NTN1: variants seen among roughly 807,000 people sequenced by gnomAD.
NTN1 encodes netrin 1, also known as netrin-1.
In NTN1, 11 loss-of-function variants were observed where a neutral mutation model predicts 54.2. The observed-to-expected ratio is 0.20, with a 90% confidence interval of 0.13 to 0.34. The LOEUF (loss-of-function observed/expected upper bound fraction) is 0.34. Ranked by LOEUF, NTN1 falls within the 10% of genes least tolerant of loss-of-function variation. The pLI, the probability that NTN1 is intolerant of heterozygous loss-of-function variation, is 1.00. For synonymous variants in NTN1, 371 were observed against 382.0 expected (o/e 0.97, Z 0.33); for missense variants, 740 against 893.1 (o/e 0.83, Z 2.18).
At chr17:9,175,094 G>A (rs2092396517) in intron 3 of NTN1, 1 of 152,268 alleles carries the variant, frequency 6.6e-6, no homozygotes, top group African/African-American at 2.4e-5. Context: ...CAGACTTCTG[G>A]AAAGCCTTAG....
chr17:9,064,731 G>A (rs533102213), intron 2 of NTN1, among the ~76,000 whole-genome samples: 1 of 152,148 alleles, frequency 6.6e-6, no homozygotes, highest in South Asian at 2.1e-4. Flanking sequence ...GCTTCCACTA[G>A]CTCCTCAGTT....
intron 2 of NTN1, among the ~76,000 whole-genome samples, chr17:9,034,582 C>G (rs1425026176): frequency 6.6e-6 from 1 of 151,858 alleles, no homozygotes; most frequent in African/African-American, 2.4e-5. Context: ...ACCACCAAGA[C>G]CAGCTAATTT....
chr17:9,045,986 C>T (rs560329847), intron 2 of NTN1, among the ~76,000 whole-genome samples: 28 of 152,290 alleles, frequency 1.8e-4, no homozygotes, highest in African/African-American at 6.7e-4. Context: ...AGAATTTCAA[C>T]AGAGTGGTCC....
At chr17:9,072,205 A>G (rs1383168217) in intron 2 of NTN1, among the ~76,000 whole-genome samples, 1 of 147,854 alleles carries the variant, frequency 6.8e-6, no homozygotes, top group South Asian at 2.1e-4. Flanking sequence ...CCAGCTTCAC[A>G]CCAGCCCCCT....
intron 2 of NTN1, among the ~76,000 whole-genome samples, chr17:9,139,064 A>G (rs1166006770): frequency 6.6e-6 from 1 of 152,136 alleles, no homozygotes; most frequent in African/African-American, 2.4e-5. Context: ...GATTTAGCTA[A>G]AAGGTCTTCG....
intron 1 of NTN1, among the ~76,000 whole-genome samples, chr17:9,021,897 GC>G (rs1392403615): frequency 2.0e-5 from 3 of 152,208 alleles, no homozygotes; most frequent in Non-Finnish European, 4.4e-5. Flanking sequence ...GGACTTTCCG[GC>G]GGGGACGCGA....
chr17:9,202,108 GTA>G (rs1904815900), intron 5 of NTN1, among the ~76,000 whole-genome samples: 1 of 141,964 alleles, frequency 7.0e-6, no homozygotes, highest in Middle Eastern at 3.6e-3. Context: ...AGGTATGGTG[GTA>G]CGCACCTGTA....
chr17:9,004,474 T>G, the NTN1 span, among the ~76,000 whole-genome samples: 1 of 152,224 alleles, frequency 6.6e-6, no homozygotes, highest in Non-Finnish European at 1.5e-5. Context: ...TGACGGAGGC[T>G]TTATCCTTTG....
chr17:9,087,616 C>T (rs536143090), intron 2 of NTN1, among the ~76,000 whole-genome samples: 2 of 152,134 alleles, frequency 1.3e-5, no homozygotes, highest in Non-Finnish European at 1.5e-5. Flanking sequence ...CTCCCACATA[C>T]CAGAGTCCTG....
chr17:9,088,829 C>T (rs1020832966), intron 2 of NTN1, among the ~76,000 whole-genome samples: 63 of 152,150 alleles, frequency 4.1e-4, no homozygotes, highest in Non-Finnish European at 4.4e-5. Context: ...AGAGTCTGAA[C>T]GATTCCAAAT....
intron 2 of NTN1, among the ~76,000 whole-genome samples, chr17:9,116,347 C>G (rs1415279097): frequency 6.7e-6 from 1 of 148,880 alleles, no homozygotes; most frequent in African/African-American, 2.5e-5. Context: ...TTCACCACGT[C>G]TTTCTCATCC....
rs149258668 is a variant in NTN1, at chr17:9,204,258, C to G, written c.1412-16910C>G. On this transcript the variant is annotated intron_variant, in intron 5 of 6. Coordinates refer to ENST00000173229, the MANE Select transcript of NTN1 (RefSeq NM_004822.3). ...TCTCTTCCTCTGTTTCTCTCTCTCT[C>G]TCTCTCCTTCTCTCTCTCTTTCTCT... Among the ~76,000 whole-genome samples the G allele has an allele frequency of 2.8e-5, 4 of 144,248 alleles. No individual in the cohort carries two copies. The South Asian group carries it at 6.8e-4, about 24-fold the overall frequency. The allele number at this position is 144,248 out of a possible 152,430, so 94.6% of individuals were successfully genotyped here.
At chr17:9,068,490 ATG>A (rs1311806994) in intron 2 of NTN1, among the ~76,000 whole-genome samples, 4 of 149,268 alleles carry the variant, frequency 2.7e-5, no homozygotes, top group Non-Finnish European at 1.5e-5. Context: ...TGGCCAGATT[ATG>A]TGTGTGTGTG....
intron 6 of NTN1, among the ~76,000 whole-genome samples, chr17:9,236,362 C>A (rs1905989091): frequency 6.6e-6 from 1 of 152,192 alleles, no homozygotes; most frequent in East Asian, 1.9e-4. Flanking sequence ...TGGTGGAGTG[C>A]CGTGTGGGTG....
rs1292134781 is a variant in NTN1, at chr17:9,054,958, T to G, written c.1018+31567T>G. Reference sequence around the variant, plus strand: ...AAACAATAGCGGTTTTAATGGACAGTGTAAAAGTTTTATCTGCGTTATGAA... The same window carrying G: ...AAACAATAGCGGTTTTAATGGACAGGGTAAAAGTTTTATCTGCGTTATGAA... On this transcript the variant is annotated intron_variant, in intron 2 of 6. Coordinates refer to ENST00000173229, the MANE Select transcript of NTN1 (RefSeq NM_004822.3). 2.0e-5 allele frequency among the ~76,000 whole-genome samples: 3 copies of G among 152,098 alleles called. No homozygotes were observed. In the East Asian group the frequency reaches 5.8e-4, roughly 29 times the overall value.
intron 2 of NTN1, among the ~76,000 whole-genome samples, chr17:9,155,147 A>G (rs925558514): frequency 1.3e-5 from 2 of 152,164 alleles, no homozygotes; most frequent in African/African-American, 4.8e-5. Context: ...TAGTCTTGAC[A>G]GCTCTGGTCA....
chr17:9,110,793 G>A (rs985280175), intron 2 of NTN1, among the ~76,000 whole-genome samples: 2 of 152,128 alleles, frequency 1.3e-5, no homozygotes, highest in Admixed American at 6.5e-5. Flanking sequence ...CTGGCAACCC[G>A]TAGCATTCTT....
Position 9,216,078 on chromosome 17 carries a change from A to G in NTN1, c.1412-5090A>G, listed in dbSNP as rs776521657. Among the ~76,000 whole-genome samples the G allele has an allele frequency of 1.2e-3, 176 of 152,220 alleles. 1 individual carries two copies. Among genetic ancestry groups the G allele is most frequent in the Non-Finnish European group, 2.1e-3 (141 of 68,010 alleles). The stretch of plus-strand genomic sequence containing the variant: ...TGGGCTCAAGCAATACTCCCACCTC[A>G]TCCTCCCAAGTAACCATCACGCCCG... On this transcript the variant is annotated intron_variant, in intron 5 of 6. Transcript: ENST00000173229.
intron 2 of NTN1, among the ~76,000 whole-genome samples, chr17:9,140,202 G>A (rs1265585910): frequency 6.6e-6 from 1 of 152,112 alleles, no homozygotes; most frequent in Non-Finnish European, 1.5e-5. Flanking sequence ...AAAGACCGTC[G>A]GGTGGTGTGA....
Sources: allele counts gnomAD v4.1 joint callset (sites outside exome capture counted in the v4.1 genomes callset), GRCh38; gene constraint gnomAD v4.1.1; transcripts MANE v1.5; gene names NCBI Gene and HGNC (gene_info 2026-07-23, HGNC 2026-07-21).